The following ZFPM2 variants were observed in gnomAD, a reference collection of about 807,000 sequenced individuals.
ZFPM2 encodes zinc finger protein, FOG family member 2, also known as zinc finger protein ZFPM2.
In ZFPM2, 20 loss-of-function variants were observed where a neutral mutation model predicts 98.6. That is an observed-to-expected ratio of 0.20 (90% CI 0.14 to 0.29). The LOEUF (loss-of-function observed/expected upper bound fraction) is 0.29. Among genes scored for constraint, ZFPM2 ranks in the 10% least tolerant of loss-of-function variants. The pLI is 1.00. For synonymous variants in ZFPM2, 518 were observed against 502.7 expected, an observed-to-expected ratio of 1.03 and a Z score of -0.41; for missense variants, 1,310 against 1,388.6, an observed-to-expected ratio of 0.94 and a Z score of 0.90.
intron 5 of ZFPM2, among the ~76,000 whole-genome samples, chr8:105,650,600 G>C (rs1010486894): frequency 6.6e-6 from 1 of 152,274 alleles, no homozygotes; most frequent in Admixed American, 6.5e-5. Flanking sequence ...TGGTTTCAAA[G>C]AACATCTTTA....
intron 4 of ZFPM2, among the ~76,000 whole-genome samples, chr8:105,568,899 A>G (rs1463467421): frequency 1.3e-5 from 2 of 151,980 alleles, no homozygotes; most frequent in Non-Finnish European, 2.9e-5. Context: ...TCTGAACTAC[A>G]TGCAGTGCCC....
intron 3 of ZFPM2, among the ~76,000 whole-genome samples, chr8:105,494,516 TC>T (rs1813423111): frequency 6.6e-6 from 1 of 152,048 alleles, no homozygotes; most frequent in South Asian, 2.1e-4. Context: ...GTCCATGACT[TC>T]CTTTCCATAT....
At chr8:105,794,036 C>T (rs1420638208) in intron 6 of ZFPM2, among the ~76,000 whole-genome samples, 1 of 151,984 alleles carries the variant, frequency 6.6e-6, no homozygotes, top group African/African-American at 2.4e-5. Context: ...CCTCCTGTAG[C>T]TCGTAGTTTG....
At chr8:105,355,343 A>G (rs899590958) in intron 1 of ZFPM2, among the ~76,000 whole-genome samples, 3 of 152,152 alleles carry the variant, frequency 2.0e-5, no homozygotes, top group Admixed American at 2.0e-4. Flanking sequence ...TGCACTGAAA[A>G]TTCTTCAGAC....
intron 2 of ZFPM2, among the ~76,000 whole-genome samples, chr8:105,426,273 G>C (rs1363026650): frequency 3.3e-5 from 5 of 152,104 alleles, no homozygotes; most frequent in African/African-American, 1.2e-4. Context: ...CAAAGAGAAG[G>C]AATAAAAAAG....
chr8:105,555,054 T>A (rs1397242817), intron 3 of ZFPM2, among the ~76,000 whole-genome samples: 1 of 152,048 alleles, frequency 6.6e-6, no homozygotes, highest in Non-Finnish European at 1.5e-5. Context: ...AGCTGTGGGA[T>A]GTTTGGTAGT....
At chr8:105,669,533 T>TGC (rs1817549143) in intron 5 of ZFPM2, among the ~76,000 whole-genome samples, 1 of 128,926 alleles carries the variant, frequency 7.8e-6, no homozygotes, top group Non-Finnish European at 1.6e-5. Context: ...GCTGAAAGTG[T>TGC]GCATGTGTGT....
intron 1 of ZFPM2, among the ~76,000 whole-genome samples, chr8:105,324,032 A>T (rs1338915293): frequency 2.0e-5 from 3 of 151,820 alleles, no homozygotes; most frequent in African/African-American, 7.2e-5. Flanking sequence ...AGAGACCTTA[A>T]GAATAGTAAA....
At chr8:105,655,713 A>T (rs1170205976) in intron 5 of ZFPM2, among the ~76,000 whole-genome samples, 3 of 152,216 alleles carry the variant, frequency 2.0e-5, no homozygotes, top group Non-Finnish European at 1.5e-5. Flanking sequence ...GGTTCAGAAG[A>T]GTGTCTATGG....
chr8:105,493,415 TG>T (rs1813395287), intron 3 of ZFPM2, among the ~76,000 whole-genome samples: 1 of 152,222 alleles, frequency 6.6e-6, no homozygotes, highest in South Asian at 2.1e-4. Flanking sequence ...TGAAGAAAGA[TG>T]ATGAAGTCCA....
chr8:105,427,948 C>G (rs1326015414), intron 2 of ZFPM2, among the ~76,000 whole-genome samples: 1 of 152,192 alleles, frequency 6.6e-6, no homozygotes, highest in Non-Finnish European at 1.5e-5. Flanking sequence ...GTGTATGTAT[C>G]ATCTCTAATC....
At chr8:105,599,635 G>T (rs763208483) in intron 4 of ZFPM2, among the ~76,000 whole-genome samples, 6 of 152,028 alleles carry the variant, frequency 3.9e-5, no homozygotes, top group Non-Finnish European at 8.8e-5. Flanking sequence ...GCAATGGCAG[G>T]CCTTTCATCT....
intron 4 of ZFPM2, among the ~76,000 whole-genome samples, chr8:105,582,716 C>T (rs527547024): frequency 2.6e-5 from 4 of 152,244 alleles, no homozygotes. Flanking sequence ...ACCTCAGCCT[C>T]CTGAGTAGCT....
chr8:105,352,623 A>T (rs1971958), intron 1 of ZFPM2, among the ~76,000 whole-genome samples: 2 of 148,378 alleles, frequency 1.3e-5, no homozygotes, highest in Non-Finnish European at 3.0e-5. Flanking sequence ...CCCTTTTATT[A>T]TCTGGATCTG....
At chr8:105,459,594 A>G (rs1812665667) in intron 3 of ZFPM2, among the ~76,000 whole-genome samples, 1 of 152,148 alleles carries the variant, frequency 6.6e-6, no homozygotes, top group Non-Finnish European at 1.5e-5. Context: ...TCAAGGTATC[A>G]GCAGGCGTGG....
intron 5 of ZFPM2, among the ~76,000 whole-genome samples, chr8:105,765,662 C>T (rs540850778): frequency 6.6e-6 from 1 of 151,918 alleles, no homozygotes; most frequent in African/African-American, 2.4e-5. Flanking sequence ...TCAGGCAGCT[C>T]GTCCCCAAAT....
intron 4 of ZFPM2, among the ~76,000 whole-genome samples, chr8:105,625,713 G>A (rs1035826816): frequency 5.3e-5 from 8 of 151,878 alleles, no homozygotes; most frequent in Admixed American, 5.3e-4. Flanking sequence ...CCAAGTAGCT[G>A]GGATTACAGG....
In ZFPM2 at chr8:105,445,466, T is replaced by C. The variant is rs146852925; in HGVS notation, c.301+1085T>C. ...ATAGCCTTCTGGCATTTTCACCTTATGGCATGATGCTTCTTCTCAATGTGG... is the reference window on the plus strand; with the variant it reads ...ATAGCCTTCTGGCATTTTCACCTTACGGCATGATGCTTCTTCTCAATGTGG... On this transcript the variant is annotated intron_variant, in intron 3 of 7. Coordinates refer to ENST00000407775, the MANE Select transcript of ZFPM2 (RefSeq NM_012082.4). Among the ~76,000 whole-genome samples, 233 of 152,208 alleles carry C rather than the reference T, an allele frequency of 1.5e-3. 1 individual carries two copies. The highest frequency in any genetic ancestry group is 5.3e-3 in the African/African-American group (222 of 41,518).
intron 3 of ZFPM2, 80 bp from the exon 4 acceptor site, chr8:105,561,283 T>C (rs1190034569): frequency 9.4e-7 from 1 of 1,066,070 alleles, no homozygotes; most frequent in African/African-American, 1.7e-5. Flanking sequence ...ATCATGTGTG[T>C]AAAGCAAACA....
Sources: allele counts gnomAD v4.1 joint callset (sites outside exome capture counted in the v4.1 genomes callset), GRCh38; gene constraint gnomAD v4.1.1; transcripts MANE v1.5; gene names NCBI Gene and HGNC (gene_info 2026-07-23, HGNC 2026-07-21).